Variants in RIMS2 observed in about 807,000 individuals in gnomAD.
RIMS2 encodes the protein regulating synaptic membrane exocytosis protein 2.
RIMS2 carries 59 observed loss-of-function variants against 174.4 expected under a neutral mutation model. The ratio of observed to expected loss-of-function variants is 0.34; its 90% CI spans 0.27 to 0.42. The LOEUF is 0.42. RIMS2 is among the 10% of genes least tolerant of loss of function. The pLI is 1.00. For synonymous variants in RIMS2, 606 were observed against 572.5 expected (o/e 1.06, Z -0.84); for missense variants, 1,620 against 1,666.3 (o/e 0.97, Z 0.48).
chr8:103,863,367 G>C (rs1259080106), intron 3 of RIMS2, among the ~76,000 whole-genome samples: 1 of 152,060 alleles, frequency 6.6e-6, no homozygotes, highest in Non-Finnish European at 1.5e-5. Flanking sequence ...TTTTGTTGAA[G>C]ATTTTTGCCT....
At chr8:104,237,069 G>C (rs1465756284) in intron 19 of RIMS2, among the ~76,000 whole-genome samples, 1 of 152,004 alleles carries the variant, frequency 6.6e-6, no homozygotes, top group Non-Finnish European at 1.5e-5. Context: ...TGTTTTAAAT[G>C]GGAATCTGAA....
intron 2 of RIMS2, among the ~76,000 whole-genome samples, chr8:103,717,088 TA>T (rs1426953130): frequency 3.3e-5 from 5 of 149,696 alleles, no homozygotes; most frequent in Admixed American, 6.7e-5. Flanking sequence ...CAAATTGGCA[TA>T]AAACTCAAAG....
chr8:103,909,590 T>G (rs1168308059), intron 4 of RIMS2, among the ~76,000 whole-genome samples: 3 of 152,152 alleles, frequency 2.0e-5, no homozygotes, highest in African/African-American at 7.2e-5. Context: ...AACAATTTTT[T>G]TAACGACACA....
chr8:103,929,858 T>C lies in RIMS2; in HGVS notation c.2245-1405T>C, dbSNP rs369490933. Among the ~76,000 whole-genome samples, 95 of 152,054 alleles carry C rather than the reference T, an allele frequency of 6.2e-4. 1 individual carries two copies. In the South Asian group the frequency reaches 0.013, roughly 21 times the overall value. ...TGTTTTCCTTTAGTATTTTGGAGACTTTTTTCTTCAAGTTGTTAATCTCTT... is the reference window on the plus strand; with the variant it reads ...TGTTTTCCTTTAGTATTTTGGAGACCTTTTTCTTCAAGTTGTTAATCTCTT... On this transcript the variant is annotated intron_variant, in intron 11 of 23. Coordinates refer to ENST00000504942, the Ensembl canonical transcript of RIMS2.
chr8:103,696,921 T>A (rs151320581), intron 1 of RIMS2, among the ~76,000 whole-genome samples, 165 bp from the exon 4 acceptor site: 29 of 145,874 alleles, frequency 2.0e-4, no homozygotes, highest in African/African-American at 7.4e-4. Flanking sequence ...TTACAAATAA[T>A]GTGCCATGAA....
intron 3 of RIMS2, among the ~76,000 whole-genome samples, chr8:103,773,204 C>G (rs999616992): frequency 6.6e-6 from 1 of 151,730 alleles, no homozygotes; most frequent in Admixed American, 6.6e-5. Flanking sequence ...ATTGAGACAC[C>G]ATTAAGACAC....
At chr8:103,611,958 ATTG>A (rs1272961183) in intron 1 of RIMS2, among the ~76,000 whole-genome samples, 2 of 102,034 alleles carry the variant, frequency 2.0e-5, no homozygotes, top group African/African-American at 8.7e-5. Flanking sequence ...GGCATACTTC[ATTG>A]TTTTTTATTT....
At chr8:103,550,742 C>A (rs1436843985) in intron 1 of RIMS2, among the ~76,000 whole-genome samples, 3 of 151,846 alleles carry the variant, frequency 2.0e-5, no homozygotes, top group Non-Finnish European at 4.4e-5. Context: ...AGAGAAGTAT[C>A]AAATAGATAC....
intron 19 of RIMS2, among the ~76,000 whole-genome samples, chr8:104,155,801 G>C (rs1482174206): frequency 6.6e-6 from 1 of 152,100 alleles, no homozygotes; most frequent in East Asian, 1.9e-4. Context: ...GTTTGAAGAT[G>C]ATACCAAGTT....
chr8:104,199,340 G>C (rs1476271804), intron 19 of RIMS2, among the ~76,000 whole-genome samples: 1 of 152,144 alleles, frequency 6.6e-6, no homozygotes, highest in Non-Finnish European at 1.5e-5. Context: ...GGGATTACAG[G>C]CATGAGCCAC....
At chr8:103,558,417 T>C (rs1293524243) in intron 1 of RIMS2, among the ~76,000 whole-genome samples, 2 of 151,984 alleles carry the variant, frequency 1.3e-5, no homozygotes, top group Non-Finnish European at 2.9e-5. Flanking sequence ...AGAGATGGGG[T>C]TTTGCCATGT....
At chr8:103,512,831 G>A (rs554524002) in intron 1 of RIMS2, among the ~76,000 whole-genome samples, 2 of 152,164 alleles carry the variant, frequency 1.3e-5, no homozygotes, top group East Asian at 1.9e-4. Flanking sequence ...GTGAAAAATA[G>A]TATCAACATA....
At chr8:103,533,679 A>AG (rs1331619138) in intron 1 of RIMS2, among the ~76,000 whole-genome samples, 4 of 119,222 alleles carry the variant, frequency 3.4e-5, no homozygotes, top group Non-Finnish European at 5.7e-5. Flanking sequence ...AAAAAAAAAA[A>AG]AAAGAAAAAG....
chr8:104,096,865 C>T (rs2097771031), intron 19 of RIMS2, among the ~76,000 whole-genome samples: 3 of 144,640 alleles, frequency 2.1e-5, no homozygotes, highest in Admixed American at 2.1e-4. Context: ...AGACTCCATC[C>T]GCCCCCCACC....
At chr8:104,136,048 C>T (rs2098516640) in intron 19 of RIMS2, among the ~76,000 whole-genome samples, 1 of 152,110 alleles carries the variant, frequency 6.6e-6, no homozygotes, top group Non-Finnish European at 1.5e-5. Flanking sequence ...AGCTATGTCT[C>T]GAACGTGAGT....
rs182044257 is a variant in RIMS2, at chr8:104,080,765, G to A, written c.3334+66150G>A. On this transcript the variant is annotated intron_variant, in intron 19 of 23. Transcript: ENST00000504942. ...AGTTGTAATTTTTCTTTAGTTGGAAGGATTACAGATATCATTTATTAGCAA... is the reference window on the plus strand; with the variant it reads ...AGTTGTAATTTTTCTTTAGTTGGAAAGATTACAGATATCATTTATTAGCAA... Among the ~76,000 whole-genome samples the A allele has an allele frequency of 3.6e-3, 549 of 151,954 alleles. 4 individuals carry two copies. The highest frequency in any genetic ancestry group is 0.016 in the East Asian group (84 of 5,172).
At chr8:104,250,890 G>A (rs2099356795) in intron 22 of RIMS2, 134 bp from the exon 29 acceptor site, 1 of 727,338 alleles carries the variant, frequency 1.4e-6, no homozygotes, top group Non-Finnish European at 2.3e-6. Context: ...GATTTTGACA[G>A]AATGCAGCTA....
At chr8:104,030,816 C>T (rs1052057032) in intron 19 of RIMS2, among the ~76,000 whole-genome samples, 1 of 152,058 alleles carries the variant, frequency 6.6e-6, no homozygotes, top group Non-Finnish European at 1.5e-5. Flanking sequence ...TTCCTTCTTA[C>T]CTACTTTGTT....
rs573892621 is a variant in RIMS2 at position 104,242,994 on chromosome 8, C to T, written c.3335-1922C>T. ...ATAGTGTTAGCCTCCATTGATGAGC[C>T]TTGCTTATATCATTGATTCCAATGG... On this transcript the variant is annotated intron_variant, in intron 19 of 23. Transcript: ENST00000504942. Among the ~76,000 whole-genome samples the T allele has an allele frequency of 5.8e-4, 88 of 152,246 alleles. 1 individual carries two copies. Among genetic ancestry groups the T allele is most frequent in the African/African-American group, 1.9e-3 (81 of 41,546 alleles).
Sources: allele counts gnomAD v4.1 joint callset (sites outside exome capture counted in the v4.1 genomes callset), GRCh38; gene constraint gnomAD v4.1.1; transcripts MANE v1.5; gene names NCBI Gene and HGNC (gene_info 2026-07-23, HGNC 2026-07-21).